STXBP5L: variants seen among roughly 807,000 people sequenced by gnomAD.
The protein encoded by STXBP5L is syntaxin-binding protein 5-like.
A neutral mutation model predicts 144.5 loss-of-function variants in STXBP5L; 65 were observed. The ratio of observed to expected loss-of-function variants is 0.45; its 90% CI spans 0.37 to 0.55. The LOEUF (loss-of-function observed/expected upper bound fraction) is 0.55. Among genes scored for constraint, STXBP5L ranks in the 20% least tolerant of loss-of-function variants. STXBP5L has a pLI of 0.00. For synonymous variants in STXBP5L, 505 were observed against 469.6 expected, an observed-to-expected ratio of 1.08 and a Z score of -0.97; for missense variants, 1,298 against 1,405.5, an observed-to-expected ratio of 0.92 and a Z score of 1.22.
At chr3:121,059,322 A>C (rs140847288) in intron 5 of STXBP5L, among the ~76,000 whole-genome samples, 1 of 152,134 alleles carries the variant, frequency 6.6e-6, no homozygotes, top group Non-Finnish European at 1.5e-5. Flanking sequence ...GTTGTGTTCC[A>C]TAGGTCTGTA....
chr3:120,980,478 G>C (rs1172337180), intron 3 of STXBP5L, among the ~76,000 whole-genome samples: 1 of 145,330 alleles, frequency 6.9e-6, no homozygotes, highest in Admixed American at 6.8e-5. Context: ...TTTTTTAACT[G>C]TTGTTGATTT....
chr3:120,945,634 C>A (rs765401517), intron 2 of STXBP5L, among the ~76,000 whole-genome samples: 6 of 151,594 alleles, frequency 4.0e-5, no homozygotes, highest in African/African-American at 1.5e-4. Flanking sequence ...CCATGCCAAG[C>A]CATGTATGCA....
At chr3:121,397,527 T>C (rs1174022837) in intron 22 of STXBP5L, among the ~76,000 whole-genome samples, 1 of 152,246 alleles carries the variant, frequency 6.6e-6, no homozygotes, top group Admixed American at 6.5e-5. Flanking sequence ...GTATAGGTTC[T>C]GGACGCTTAA....
In STXBP5L at chr3:120,921,817, G is replaced by T. The variant is rs531611252; in HGVS notation, c.189+12050G>T. On this transcript the variant is annotated intron_variant, in intron 2 of 26. Transcript: ENST00000471454. ...TCTGGGTTTTCTGTTCTGTTCCATT[G>T]GTCTATGTATCTTTGTTTATGCCAG... Among the ~76,000 whole-genome samples, 74 of 152,008 alleles carry T rather than the reference G, an allele frequency of 4.9e-4. 1 individual carries two copies. The highest frequency in any genetic ancestry group is 1.8e-3 in the African/African-American group (73 of 41,492).
chr3:121,116,823 A>G (rs2044250786), intron 6 of STXBP5L, among the ~76,000 whole-genome samples: 1 of 152,042 alleles, frequency 6.6e-6, no homozygotes, highest in South Asian at 2.1e-4. Context: ...ATAGTTTTAC[A>G]TAATATTGTT....
At chr3:121,338,375 G>A (rs1207538382) in intron 20 of STXBP5L, among the ~76,000 whole-genome samples, 2 of 152,010 alleles carry the variant, frequency 1.3e-5, no homozygotes, top group East Asian at 3.9e-4. Flanking sequence ...CAGGTGCGGT[G>A]GTTCACGCCT....
At chr3:121,040,742 C>G (rs1947088422) in intron 3 of STXBP5L, among the ~76,000 whole-genome samples, 1 of 152,074 alleles carries the variant, frequency 6.6e-6, no homozygotes, top group Non-Finnish European at 1.5e-5. Context: ...TGTGTTGGAG[C>G]CTTGAAATTC....
At chr3:121,246,476 T>C (rs1457628530) in intron 14 of STXBP5L, among the ~76,000 whole-genome samples, 2 of 152,196 alleles carry the variant, frequency 1.3e-5, no homozygotes, top group African/African-American at 4.8e-5. Context: ...AAATCTATGT[T>C]ACATACATTG....
At chr3:121,400,687 T>A (rs144728728) in intron 22 of STXBP5L, among the ~76,000 whole-genome samples, 26 of 152,264 alleles carry the variant, frequency 1.7e-4, no homozygotes, top group African/African-American at 6.0e-4. Context: ...GCAAGAGATA[T>A]CCCCATACCT....
intron 20 of STXBP5L, 53 bp from the exon 21 acceptor site, chr3:121,378,663 T>G: frequency 6.5e-7 from 1 of 1,547,996 alleles, no homozygotes; most frequent in Non-Finnish European, 8.7e-7. Flanking sequence ...TTGTATTCCT[T>G]TGTATTAAGA....
intron 20 of STXBP5L, among the ~76,000 whole-genome samples, chr3:121,350,911 C>T (rs1303738032): frequency 2.6e-5 from 4 of 152,100 alleles, no homozygotes; most frequent in Non-Finnish European, 5.9e-5. Context: ...TGAACTTCCT[C>T]CTTTAGGTCT....
intron 2 of STXBP5L, among the ~76,000 whole-genome samples, chr3:120,916,744 T>C (rs1485140553): frequency 1.3e-5 from 2 of 152,216 alleles, no homozygotes; most frequent in Admixed American, 1.3e-4. Flanking sequence ...ATTTAGAAAG[T>C]AAAGATTGGA....
At chr3:121,390,135 A>C (rs1473408408) in intron 22 of STXBP5L, among the ~76,000 whole-genome samples, 1 of 152,184 alleles carries the variant, frequency 6.6e-6, no homozygotes, top group Admixed American at 6.5e-5. Flanking sequence ...CTTTACCATT[A>C]TGTAATGGCC....
At chr3:121,155,035 C>A (rs191350319) in intron 8 of STXBP5L, among the ~76,000 whole-genome samples, 1 of 151,912 alleles carries the variant, frequency 6.6e-6, no homozygotes, top group East Asian at 1.9e-4. Context: ...TAACTAATCA[C>A]AACCACTTTT....
intron 9 of STXBP5L, among the ~76,000 whole-genome samples, chr3:121,192,042 A>G (rs1471554713): frequency 6.6e-6 from 1 of 152,152 alleles, no homozygotes; most frequent in Non-Finnish European, 1.5e-5. Context: ...ACATGTATAC[A>G]TATGTAACAA....
At chr3:120,913,465 A>G (rs997005657) in intron 2 of STXBP5L, among the ~76,000 whole-genome samples, 12 of 152,082 alleles carry the variant, frequency 7.9e-5, no homozygotes, top group African/African-American at 2.7e-4. Flanking sequence ...AAAGATGCAT[A>G]TACATGATTG....
chr3:121,253,810 C>CTTTTTTTTTTTTT (rs34678687), intron 15 of STXBP5L, among the ~76,000 whole-genome samples: 3 of 95,080 alleles, frequency 3.2e-5, no homozygotes, highest in Non-Finnish European at 5.7e-5. Context: ...TTTTTTTTTT[C>CTTTTTTTTTTTTT]TTTTTTTTTT....
At chr3:121,016,915 G>T (rs1945185757) in intron 3 of STXBP5L, among the ~76,000 whole-genome samples, 1 of 152,146 alleles carries the variant, frequency 6.6e-6, no homozygotes, top group African/African-American at 2.4e-5. Flanking sequence ...GAAGCAGATG[G>T]AATATTTCCA....
chr3:121,384,434 T>A (rs910414285), intron 22 of STXBP5L, among the ~76,000 whole-genome samples: 2 of 151,796 alleles, frequency 1.3e-5, no homozygotes, highest in African/African-American at 4.8e-5. Context: ...AAGACCAAAG[T>A]GAGAGGAATG....
Sources: allele counts gnomAD v4.1 joint callset (sites outside exome capture counted in the v4.1 genomes callset), GRCh38; gene constraint gnomAD v4.1.1; transcripts MANE v1.5; gene names NCBI Gene and HGNC (gene_info 2026-07-23, HGNC 2026-07-21).